The following RGR variants were observed in gnomAD, a reference collection of about 807,000 sequenced individuals.
The protein encoded by RGR is retinal G protein coupled receptor.
RGR carries 30 observed loss-of-function variants against 28.6 expected under a neutral mutation model. The observed-to-expected ratio is 1.05, with a 90% confidence interval of 0.78 to 1.42. The LOEUF (loss-of-function observed/expected upper bound fraction) is 1.42, where lower values mean the gene tolerates loss of function less well. Ranked by LOEUF, RGR falls within the 40% of genes most tolerant of loss-of-function variation. The pLI is 0.00. For synonymous variants in RGR, 180 were observed against 156.4 expected, an observed-to-expected ratio of 1.15 and a Z score of -1.13; for missense variants, 404 against 375.6, an observed-to-expected ratio of 1.08 and a Z score of -0.62.
intron 6 of RGR, among the ~76,000 whole-genome samples, 166 bp downstream of exon 6, chr10:84,258,172 C>T (rs1437340335): frequency 1.3e-5 from 2 of 152,104 alleles, no homozygotes; most frequent in Non-Finnish European, 2.9e-5. Flanking sequence ...CCCCCTAATC[C>T]CCCACCTCGT....
intron 5 of RGR, among the ~76,000 whole-genome samples, chr10:84,256,936 C>T (rs1183478438): frequency 6.6e-6 from 1 of 152,160 alleles, no homozygotes; most frequent in East Asian, 1.9e-4. Context: ...CGTCTTAGGG[C>T]CTCGGCTCCC....
intron 3 of RGR, chr10:84,250,328 C>A (rs531583564): frequency 1.4e-6 from 1 of 717,222 alleles, no homozygotes. Flanking sequence ...GTATAGCCCC[C>A]TTCCCTGAAA....
At chr10:84,248,436 C>T (rs906279599) in intron 2 of RGR, 3 of 242,014 alleles carry the variant, frequency 1.2e-5, no homozygotes, top group Non-Finnish European at 2.4e-5. Context: ...CCCGGATGTG[C>T]ATGCTCAGTG....
intron 3 of RGR, among the ~76,000 whole-genome samples, chr10:84,251,495 C>T (rs895552163): frequency 6.6e-6 from 1 of 152,196 alleles, no homozygotes; most frequent in Non-Finnish European, 1.5e-5. Flanking sequence ...TAGATGTTCA[C>T]CTTCTTGCCA....
At chr10:84,252,588 T>C (rs2132883668) in intron 3 of RGR, among the ~76,000 whole-genome samples, 1 of 152,366 alleles carries the variant, frequency 6.6e-6, no homozygotes, top group African/African-American at 2.4e-5. Context: ...GGCTCTGAGT[T>C]ATTAAGCATC....
At chr10:84,258,410 G>A in intron 6 of RGR, 98 bp from the exon 7 acceptor site, 1 of 1,587,154 alleles carries the variant, frequency 6.3e-7, no homozygotes, top group South Asian at 1.1e-5. Context: ...CTAAATGATT[G>A]GCAGTTGTAG....
In RGR at chr10:84,248,988, C is replaced by T. The variant is rs1183439848; in HGVS notation, c.303C>T (p.Ala101=). Reference sequence around the variant, plus strand: ...TCCAGGGCTTTGTGACAGCGTTGGCCAGCATCTGCAGCAGTGCAGCCATCG... The same window carrying T: ...TCCAGGGCTTTGTGACAGCGTTGGCTAGCATCTGCAGCAGTGCAGCCATCG... ...HGFQGFVTAL[A]SICSSAAIAW... The change falls in exon 3 of 7, where the codon GCC becomes GCT. Residue 101 remains alanine, a synonymous_variant. Transcript: ENST00000652092. The T allele has an allele frequency of 5.6e-6, 9 of 1,614,018 alleles. No homozygotes were observed. Among genetic ancestry groups the T allele is most frequent in the Non-Finnish European group, 6.8e-6 (8 of 1,180,008 alleles).
At position 84,259,455 on chromosome 10, in the gene RGR, G is replaced by T. The variant is rs1373043195; in HGVS notation, c.*816G>T. ...AGCTCTATTTTTAAGACAGTATGGA[G>T]AAATCACCATACTGTTTTCCATAGG... is the stretch of plus-strand genomic sequence containing the variant. On this transcript the variant is annotated 3_prime_UTR_variant, in exon 7 of 7. Transcript: ENST00000652092. 1 of 152,192 alleles carries T rather than the reference G, an allele frequency of 6.6e-6. No homozygotes were observed. The highest frequency in any genetic ancestry group is 6.5e-5 in the Admixed American group (1 of 15,272). 9.4% of individuals were successfully genotyped at this position (152,192 alleles called of 1,614,324 possible).
chr10:84,253,727 G>A (rs1842848320), intron 4 of RGR, among the ~76,000 whole-genome samples: 1 of 152,146 alleles, frequency 6.6e-6, no homozygotes, highest in African/African-American at 2.4e-5. Flanking sequence ...AGAACGCTGG[G>A]CCTGGTCCAA....
intron 3 of RGR, among the ~76,000 whole-genome samples, chr10:84,251,733 C>T (rs891485047): frequency 6.6e-6 from 1 of 152,178 alleles, no homozygotes; most frequent in Non-Finnish European, 1.5e-5. Context: ...TATAAGGGCA[C>T]TAATCACATC....
At chr10:84,251,744 A>G (rs1232829992) in intron 3 of RGR, among the ~76,000 whole-genome samples, 1 of 152,128 alleles carries the variant, frequency 6.6e-6, no homozygotes, top group Non-Finnish European at 1.5e-5. Flanking sequence ...TAATCACATC[A>G]TGGGGGCTCC....
At chr10:84,254,207 G>A (rs1842853741) in intron 4 of RGR, 119 bp from the exon 5 acceptor site, 3 of 886,856 alleles carry the variant, frequency 3.4e-6, no homozygotes, top group Non-Finnish European at 5.7e-6. Context: ...CACACTGCGA[G>A]CTTGTCTGAA....
At chr10:84,256,735 G>T (rs932929265) in intron 5 of RGR, among the ~76,000 whole-genome samples, 2 of 152,160 alleles carry the variant, frequency 1.3e-5, no homozygotes, top group Admixed American at 1.3e-4. Flanking sequence ...GTCTGGAGGT[G>T]CAAAGTTCAC....
chr10:84,252,837 T>C lies in RGR; in HGVS notation c.359-20T>C. The C allele has an allele frequency of 6.2e-7, 1 of 1,614,072 alleles. No homozygotes were observed. ...CCATCTCCTCCTCACAACCTCCTCT[T>C]CTTCCTCTGTCCTGTGCAGGTAGCC... is the stretch of plus-strand genomic sequence containing the variant. On this transcript the variant is annotated intron_variant, in intron 3 of 6. Transcript: ENST00000652092.
intron 3 of RGR, chr10:84,250,274 T>C (rs1429515099): frequency 4.3e-6 from 3 of 703,672 alleles, no homozygotes; most frequent in South Asian, 1.5e-5. Flanking sequence ...AACCATGGCA[T>C]GTCCTCTTTG....
Position 84,258,624 on chromosome 10 carries a change from G to A in RGR, c.861G>A (p.Lys287=), listed in dbSNP as rs1842918427. 1 of 1,614,050 alleles carries A rather than the reference G, an allele frequency of 6.2e-7. No homozygotes were observed. Among genetic ancestry groups the A allele is most frequent in the Admixed American group, 1.7e-5 (1 of 60,006 alleles). The change falls in exon 7 of 7, where the codon AAG becomes AAA. Residue 287 remains lysine, a synonymous_variant. Transcript: ENST00000652092. ...GCCTCTCACCGCAGAAGAGGGAGAA[G>A]GACCGAACCAAGTGAGCCTGCCACC... ...WQCLSPQKRE[K]DRTK
In RGR at chr10:84,258,491, C is replaced by A. The variant is rs1842915411; in HGVS notation, c.745-17C>A. ...GTGGCTTTGAAGCTTCTTTTCTGGACTTTTCTGCCACAACAGGTGCCCGCC... is the reference window on the plus strand; with the variant it reads ...GTGGCTTTGAAGCTTCTTTTCTGGAATTTTCTGCCACAACAGGTGCCCGCC... On this transcript the variant is annotated splice_polypyrimidine_tract_variant and intron_variant, in intron 6 of 6. Transcript: ENST00000652092. The A allele has an allele frequency of 1.2e-6, 2 of 1,614,182 alleles. No individual in the cohort carries two copies. The highest frequency in any genetic ancestry group is 2.2e-5 in the East Asian group (1 of 44,880).
At chr10:84,257,668 C>T (rs1042545517) in intron 5 of RGR, among the ~76,000 whole-genome samples, 1 of 152,242 alleles carries the variant, frequency 6.6e-6, no homozygotes, top group African/African-American at 2.4e-5. Context: ...ATTTTACAGA[C>T]ACAGCAGCTG....
At chr10:84,246,660 G>C (rs1419869692) in intron 1 of RGR, among the ~76,000 whole-genome samples, 1 of 152,100 alleles carries the variant, frequency 6.6e-6, no homozygotes, top group Non-Finnish European at 1.5e-5. Flanking sequence ...TCGTATCTTT[G>C]CAATTGTGAA....
Sources: gnomAD v4.1 joint callset for allele counts (sites outside exome capture counted in the v4.1 genomes callset) on GRCh38, gnomAD v4.1.1 for gene constraint, MANE v1.5 for transcripts, NCBI Gene and HGNC (gene_info 2026-07-23, HGNC 2026-07-21) for gene names.